WDR89: variants seen among roughly 807,000 people sequenced by gnomAD.
The protein encoded by WDR89 is WD repeat-containing protein 89.
WDR89 carries 17 observed loss-of-function variants against 29.1 expected under a neutral mutation model. The observed-to-expected ratio is 0.58, with a 90% CI of 0.40 to 0.88. The LOEUF (loss-of-function observed/expected upper bound fraction) is 0.88. Among genes scored for constraint, WDR89 ranks in the 40% least tolerant of loss-of-function variants. The pLI, the probability that WDR89 is intolerant of heterozygous loss-of-function variation, is 0.00. For synonymous variants in WDR89, 138 were observed against 157.8 expected (o/e 0.87, Z 0.94); for missense variants, 396 against 456.3 (o/e 0.87, Z 1.20).
Position 63,626,442 on chromosome 14 carries a change from G to A in WDR89, c.-137-1409C>T, listed in dbSNP as rs554628223. 1.4e-3 allele frequency among the ~76,000 whole-genome samples: 205 copies of A among 150,274 alleles called. 1 individual carries two copies. Among genetic ancestry groups the A allele is most frequent in the Non-Finnish European group, 2.5e-3 (166 of 67,388 alleles). ...TCCCAGCGCTTTGGGAGGCCAAGGTGGGCAGAACACGATCACATGAGCTCA... is the reference window on the plus strand; with the variant it reads ...TCCCAGCGCTTTGGGAGGCCAAGGTAGGCAGAACACGATCACATGAGCTCA... On this transcript the variant is annotated intron_variant, in intron 1 of 2. Transcript: ENST00000620954.
At chr14:63,621,264 A>G (rs1882677556) in intron 2 of WDR89, among the ~76,000 whole-genome samples, 1 of 152,056 alleles carries the variant, frequency 6.6e-6, no homozygotes, top group Non-Finnish European at 1.5e-5. Flanking sequence ...TTATTATTGG[A>G]GACAGAGTCT....
chr14:63,614,946 T>C (rs1882214257), intron 2 of WDR89, among the ~76,000 whole-genome samples: 1 of 152,194 alleles, frequency 6.6e-6, no homozygotes, highest in African/African-American at 2.4e-5. Flanking sequence ...TCCAAGATAG[T>C]GGTTGCAGCA....
intron 1 of WDR89, among the ~76,000 whole-genome samples, chr14:63,636,077 T>C (rs577563724): frequency 3.3e-5 from 5 of 152,148 alleles, no homozygotes; most frequent in African/African-American, 1.2e-4. Flanking sequence ...GGCGTGGTAG[T>C]GCACACCTGT....
intron 1 of WDR89, among the ~76,000 whole-genome samples, chr14:63,626,087 C>T (rs759437251): frequency 3.3e-5 from 5 of 152,008 alleles, no homozygotes; most frequent in South Asian, 2.1e-4. Flanking sequence ...CTCCTGACCT[C>T]GTGATCCGCC....
intron 2 of WDR89, chr14:63,601,708 G>A: frequency 2.5e-6 from 4 of 1,590,164 alleles, no homozygotes; most frequent in Non-Finnish European, 2.6e-6. Flanking sequence ...GTGAAAGTTG[G>A]AGATAAAGTT....
At chr14:63,640,060 A>G (rs1359512774) in intron 1 of WDR89, among the ~76,000 whole-genome samples, 1 of 152,242 alleles carries the variant, frequency 6.6e-6, no homozygotes, top group East Asian at 1.9e-4. Flanking sequence ...AATCTAAGGT[A>G]AGAATACAAA....
At chr14:63,641,097 C>CAAA (rs57478091) in intron 1 of WDR89, among the ~76,000 whole-genome samples, 12 of 64,156 alleles carry the variant, frequency 1.9e-4, no homozygotes, top group Non-Finnish European at 3.9e-4. Context: ...GACTCCATCT[C>CAAA]AAAAAAAAAA....
intron 1 of WDR89, among the ~76,000 whole-genome samples, chr14:63,637,143 C>G (rs908536941): frequency 6.6e-5 from 10 of 151,998 alleles, no homozygotes; most frequent in Non-Finnish European, 1.5e-5. Flanking sequence ...TACAAATGGC[C>G]AACAAACCTA....
intron 1 of WDR89, among the ~76,000 whole-genome samples, chr14:63,635,259 A>G (rs935411491): frequency 2.6e-5 from 4 of 152,126 alleles, no homozygotes; most frequent in Non-Finnish European, 4.4e-5. Context: ...ATCCAACAAC[A>G]TATCAAGAAG....
chr14:63,616,104 T>C (rs982664367), intron 2 of WDR89, among the ~76,000 whole-genome samples: 14 of 151,946 alleles, frequency 9.2e-5, no homozygotes, highest in African/African-American at 2.9e-4. Flanking sequence ...TTTTGTATTT[T>C]AGAGCTAAAT....
chr14:63,633,845 T>C (rs1327765711), intron 1 of WDR89, among the ~76,000 whole-genome samples: 1 of 152,228 alleles, frequency 6.6e-6, no homozygotes, highest in Admixed American at 6.5e-5. Flanking sequence ...AGTTCACATG[T>C]GCTTTGTAGA....
chr14:63,628,795 T>C (rs1414931764), intron 1 of WDR89, among the ~76,000 whole-genome samples: 1 of 152,070 alleles, frequency 6.6e-6, no homozygotes, highest in Non-Finnish European at 1.5e-5. Context: ...ACCCTATCCC[T>C]ATCAAAAGTA....
At chr14:63,618,688 AAAAC>A (rs1205888088) in intron 2 of WDR89, among the ~76,000 whole-genome samples, 14 of 152,238 alleles carry the variant, frequency 9.2e-5, no homozygotes, top group South Asian at 2.1e-4. Context: ...AGAAAAGAAA[AAAAC>A]AAACAAACAA....
chr14:63,612,017 C>T (rs1307608414), intron 2 of WDR89, among the ~76,000 whole-genome samples: 1 of 152,032 alleles, frequency 6.6e-6, no homozygotes, highest in African/African-American at 2.4e-5. Flanking sequence ...CATGAGCCAC[C>T]GTGCCTGGCC....
At position 63,599,857 on chromosome 14, in the gene WDR89, A is replaced by G. The variant is rs771389100; in HGVS notation, c.86T>C (p.Ile29Thr). 1 of 1,614,036 alleles carries G rather than the reference A, an allele frequency of 6.2e-7. No individual in the cohort carries two copies. The highest frequency in any genetic ancestry group is 8.5e-7 in the Non-Finnish European group (1 of 1,180,022). Reference sequence around the variant, plus strand: ...TGCTTGGACAGTCTTTGATGTGTCTATACCAAGAAGGTAAGTGGGCTCTTT... The same window carrying G: ...TGCTTGGACAGTCTTTGATGTGTCTGTACCAAGAAGGTAAGTGGGCTCTTT... ...GTKEPTYLLG[I>T]DTSKTVQAGK... The change falls in exon 3 of 3, where the codon ATA becomes ACA. Residue 29 changes from isoleucine to threonine, a missense_variant. Coordinates refer to ENST00000620954, the MANE Select transcript of WDR89 (RefSeq NM_080666.4).
At chr14:63,620,014 A>AG (rs1233697462) in intron 2 of WDR89, among the ~76,000 whole-genome samples, 3 of 151,602 alleles carry the variant, frequency 2.0e-5, no homozygotes, top group Non-Finnish European at 4.4e-5. Flanking sequence ...CAAAAAAAAA[A>AG]AAAAAAAAAA....
intron 2 of WDR89, chr14:63,601,680 G>C (rs911554750): frequency 8.1e-6 from 13 of 1,610,238 alleles, no homozygotes; most frequent in Middle Eastern, 1.6e-4. Context: ...AAAGGGTGGA[G>C]AGATTCAACC....
At chr14:63,627,504 A>G (rs1595035232) in intron 1 of WDR89, among the ~76,000 whole-genome samples, 4 of 152,324 alleles carry the variant, frequency 2.6e-5, no homozygotes, top group Admixed American at 2.6e-4. Context: ...TGACAAATAC[A>G]TGTAATGAAT....
At chr14:63,616,794 C>A (rs146451862) in intron 2 of WDR89, among the ~76,000 whole-genome samples, 20 of 152,286 alleles carry the variant, frequency 1.3e-4, no homozygotes, top group Non-Finnish European at 2.2e-4. Context: ...GTAAGAGACA[C>A]TGAGAATGGG....
Sources: allele counts gnomAD v4.1 joint callset (sites outside exome capture counted in the v4.1 genomes callset), GRCh38; gene constraint gnomAD v4.1.1; transcripts MANE v1.5; gene names NCBI Gene and HGNC (gene_info 2026-07-23, HGNC 2026-07-21).